Variants in CDH12 observed in about 807,000 individuals in gnomAD.
The protein encoded by CDH12 is cadherin 12, also known as cadherin-12.
Under a neutral mutation model 74.1 loss-of-function variants are expected in CDH12, and 41 were observed. That is an observed-to-expected ratio of 0.55 (90% confidence interval 0.43 to 0.72). The LOEUF is 0.72. Ranked by LOEUF, CDH12 falls within the 30% of genes least tolerant of loss-of-function variation. The pLI is 0.00. For missense variants in CDH12, 945 were observed against 977.2 expected (o/e 0.97, Z 0.44); for synonymous variants, 399 against 355.0 (o/e 1.12, Z -1.39).
intron 1 of CDH12, among the ~76,000 whole-genome samples, chr5:22,611,611 A>C (rs1215948648): frequency 6.6e-6 from 1 of 152,120 alleles, no homozygotes; most frequent in Non-Finnish European, 1.5e-5. Context: ...AGTAACCAGA[A>C]ACCAGAGTAT....
intron 2 of CDH12, among the ~76,000 whole-genome samples, chr5:22,420,213 A>T (rs1369388072): frequency 6.6e-6 from 1 of 152,010 alleles, no homozygotes; most frequent in East Asian, 1.9e-4. Context: ...TTTTGTTGCA[A>T]TTGCTTTTGA....
At chr5:21,840,574 C>T (rs377350116) in intron 8 of CDH12, among the ~76,000 whole-genome samples, 1 of 151,946 alleles carries the variant, frequency 6.6e-6, no homozygotes, top group Admixed American at 6.6e-5. Flanking sequence ...AAGAACAAAG[C>T]TGGAGGCATC....
intron 8 of CDH12, among the ~76,000 whole-genome samples, chr5:21,820,846 C>T (rs1748328827): frequency 1.3e-5 from 2 of 151,924 alleles, no homozygotes; most frequent in South Asian, 2.1e-4. Context: ...CACCGTCTTC[C>T]AGGCGTCCTA....
intron 6 of CDH12, among the ~76,000 whole-genome samples, chr5:21,901,540 T>C (rs917137500): frequency 6.6e-6 from 1 of 152,240 alleles, no homozygotes; most frequent in African/African-American, 2.4e-5. Flanking sequence ...TCCTTTTATT[T>C]ATGTCACTGG....
At chr5:22,108,222 T>A (rs1347080715) in intron 4 of CDH12, among the ~76,000 whole-genome samples, 1 of 152,070 alleles carries the variant, frequency 6.6e-6, no homozygotes, top group Non-Finnish European at 1.5e-5. Context: ...AAAGGGCAGT[T>A]CCCCTGCACA....
chr5:22,527,689 C>T (rs985178221), intron 1 of CDH12, among the ~76,000 whole-genome samples: 1 of 152,112 alleles, frequency 6.6e-6, no homozygotes. Context: ...GTCTTCTGGA[C>T]CCTCCCAGGT....
In CDH12 at chr5:22,511,028, G is replaced by T. The variant is rs1736585114; in HGVS notation, c.-522-5664C>A. ...TCCTGCCTCAGCCTCCTAAGTAGCT[G>T]GGATTACAGACACCCACCACCATGC... is the stretch of plus-strand genomic sequence containing the variant. On this transcript the variant is annotated intron_variant, in intron 1 of 14. Coordinates refer to ENST00000382254, the MANE Select transcript of CDH12 (RefSeq NM_004061.5). Among the ~76,000 whole-genome samples, 7 of 151,924 alleles carry T rather than the reference G, an allele frequency of 4.6e-5. No individual in the cohort carries two copies. In the South Asian group the frequency reaches 1.5e-3, roughly 32 times the overall value.
chr5:22,481,690 T>C (rs778374686), intron 2 of CDH12, among the ~76,000 whole-genome samples: 27 of 152,098 alleles, frequency 1.8e-4, no homozygotes, highest in Non-Finnish European at 2.5e-4. Context: ...TGCCAGGAGC[T>C]GATGGAAGGA....
At chr5:22,293,581 T>C (rs1737495680) in intron 3 of CDH12, among the ~76,000 whole-genome samples, 1 of 152,076 alleles carries the variant, frequency 6.6e-6, no homozygotes, top group Non-Finnish European at 1.5e-5. Flanking sequence ...TGTCCATCAA[T>C]GGATGAATGA....
intron 5 of CDH12, among the ~76,000 whole-genome samples, chr5:22,014,486 A>T (rs1737484838): frequency 6.6e-6 from 1 of 152,120 alleles, no homozygotes; most frequent in Non-Finnish European, 1.5e-5. Context: ...TCTAGAATGT[A>T]TATTGTGTGT....
At chr5:21,957,175 A>G (rs905502257) in intron 6 of CDH12, among the ~76,000 whole-genome samples, 9 of 152,044 alleles carry the variant, frequency 5.9e-5, no homozygotes, top group African/African-American at 1.9e-4. Flanking sequence ...ATTTTCTAGT[A>G]TTTGGTTTTT....
rs773830809 is a variant in CDH12, at chr5:21,802,216, T to A, written c.1207A>T (p.Ile403Phe). 6.2e-7 allele frequency: 1 copy of A among 1,613,920 alleles called. No individual in the cohort carries two copies. Among genetic ancestry groups the A allele is most frequent in the East Asian group, 2.2e-5 (1 of 44,782 alleles). The part of the protein sequence containing the change: ...VYEDTPVGTI[I>F]GAVTAQDLDV... ...AGGTCTTGAGCAGTGACAGCGCCAA[T>A]GATGGTCCCTACCGGAGTGTCTTCA... The change falls in exon 10 of 15, where the codon ATT (isoleucine) becomes TTT (phenylalanine). Residue 403 changes from isoleucine (I) to phenylalanine (F), a missense_variant. Transcript: ENST00000382254.
chr5:21,763,625 A>G (rs1744845959), intron 12 of CDH12, among the ~76,000 whole-genome samples: 1 of 152,210 alleles, frequency 6.6e-6, no homozygotes, highest in South Asian at 2.1e-4. Flanking sequence ...TGTATTTGGA[A>G]TGCAGATCCA....
intron 1 of CDH12, among the ~76,000 whole-genome samples, chr5:22,692,724 C>G (rs1300043559): frequency 6.6e-6 from 1 of 152,058 alleles, no homozygotes; most frequent in Non-Finnish European, 1.5e-5. Flanking sequence ...TTAGAGAATC[C>G]TTGTATGATT....
intron 1 of CDH12, among the ~76,000 whole-genome samples, chr5:22,537,313 C>T (rs903957422): frequency 5.9e-5 from 9 of 152,154 alleles, no homozygotes; most frequent in Non-Finnish European, 8.8e-5. Flanking sequence ...TCACTCCAGT[C>T]GGCATAGGAG....
intron 1 of CDH12, among the ~76,000 whole-genome samples, chr5:22,735,799 T>G (rs931330161): frequency 6.6e-6 from 1 of 151,882 alleles, no homozygotes; most frequent in East Asian, 1.9e-4. Flanking sequence ...ACTCAAAAAA[T>G]GAGTGTTTAC....
chr5:21,884,071 T>G, intron 6 of CDH12: 2 of 1,422,360 alleles, frequency 1.4e-6, no homozygotes, highest in Non-Finnish European at 2.0e-6. Flanking sequence ...GTTGAGAAAA[T>G]TATGCAAAAT....
At chr5:21,847,674 A>G (rs753663729) in intron 7 of CDH12, among the ~76,000 whole-genome samples, 4 of 152,068 alleles carry the variant, frequency 2.6e-5, no homozygotes, top group South Asian at 4.1e-4. Context: ...CATCTCCACT[A>G]TATGTGATTA....
chr5:22,356,318 C>T (rs1438069782), intron 3 of CDH12, among the ~76,000 whole-genome samples: 1 of 152,052 alleles, frequency 6.6e-6, no homozygotes, highest in Non-Finnish European at 1.5e-5. Context: ...ATTCATATCA[C>T]ATTTAGATAA....
Sources: gnomAD v4.1 joint callset for allele counts (sites outside exome capture counted in the v4.1 genomes callset) on GRCh38, gnomAD v4.1.1 for gene constraint, MANE v1.5 for transcripts, NCBI Gene and HGNC (gene_info 2026-07-23, HGNC 2026-07-21) for gene names.